The following PREPL variants were observed in gnomAD, a reference collection of about 807,000 sequenced individuals.
PREPL encodes prolyl endopeptidase like, also known as prolyl endopeptidase-like.
A neutral mutation model predicts 70.6 loss-of-function variants in PREPL; 77 were observed. The observed-to-expected ratio is 1.09, with a 90% CI of 0.91 to 1.32. The LOEUF (loss-of-function observed/expected upper bound fraction) is 1.32, where lower values mean the gene tolerates loss of function less well. PREPL is among the 40% of genes most tolerant of loss of function. PREPL has a pLI of 0.00. For synonymous variants in PREPL, 315 were observed against 264.8 expected (o/e 1.19, Z -1.84); for missense variants, 1,002 against 778.2 (o/e 1.29, Z -3.42).
chr2:44,338,690 T>C (rs765757162), intron 6 of PREPL, among the ~76,000 whole-genome samples, 154 bp from the exon 7 acceptor site: 9 of 152,156 alleles, frequency 5.9e-5, no homozygotes, highest in Non-Finnish European at 1.0e-4. Flanking sequence ...AGTGTGACCA[T>C]CAACCATATG....
intron 7 of PREPL, among the ~76,000 whole-genome samples, chr2:44,334,604 G>T (rs924820432): frequency 2.6e-5 from 4 of 152,184 alleles, no homozygotes; most frequent in Non-Finnish European, 5.9e-5. Context: ...GGAATGCAGT[G>T]GCGTGATCTC....
chr2:44,339,247 A>C lies in PREPL; in HGVS notation c.602T>G (p.Val201Gly). The C allele has an allele frequency of 6.2e-7, 1 of 1,614,126 alleles. No individual in the cohort carries two copies. The highest frequency in any genetic ancestry group is 8.5e-7 in the Non-Finnish European group (1 of 1,180,006). ...IDGLSPWDPP[V>G]LIQKRIHGVL... is the part of the protein sequence containing the mutation. ...CCCATGTATTCGCTTCTGGATAAGT[A>C]CTGGTGGGTCCCAAGGGCTCAGGCC... is the stretch of plus-strand genomic sequence containing the variant. The change falls in exon 6 of 14, where the codon GTA (valine) becomes GGA (glycine). Residue 201 changes from valine (V) to glycine (G), a missense_variant. Coordinates refer to ENST00000409411, the MANE Select transcript of PREPL (RefSeq NM_001171613.2).
intron 13 of PREPL, 52 bp from the exon 14 acceptor site, chr2:44,321,497 C>A: frequency 6.3e-7 from 1 of 1,586,280 alleles, no homozygotes; most frequent in Non-Finnish European, 8.6e-7. Flanking sequence ...TAGTAAAATG[C>A]CACTGTTTAA....
chr2:44,337,558 A>T (rs1336338042), intron 7 of PREPL, among the ~76,000 whole-genome samples: 1 of 152,166 alleles, frequency 6.6e-6, no homozygotes, highest in Non-Finnish European at 1.5e-5. Context: ...GGAGTTAGGG[A>T]GGTATAAATG....
rs988215338 is a variant in PREPL at position 44,320,302 on chromosome 2, G to A, written c.*1054C>T. The A allele has an allele frequency of 1.2e-6, 2 of 1,614,058 alleles. No homozygotes were observed. Among genetic ancestry groups the A allele is most frequent in the South Asian group, 2.2e-5 (2 of 91,084 alleles). On this transcript the variant is annotated 3_prime_UTR_variant, in exon 14 of 14. Coordinates refer to ENST00000409411, the MANE Select transcript of PREPL (RefSeq NM_001171613.2). ...AACAGGGGCTGGTTTTGCCATTTGAGGAATGACAGCCACTATGTTGTGTAC... is the reference window on the plus strand; with the variant it reads ...AACAGGGGCTGGTTTTGCCATTTGAAGAATGACAGCCACTATGTTGTGTAC...
In PREPL at chr2:44,329,041, C is replaced by A. The variant is rs1199145367; in HGVS notation, c.1158G>T (p.Leu386Phe). The A allele has an allele frequency of 1.2e-6, 2 of 1,612,918 alleles. No homozygotes were observed. Among genetic ancestry groups the A allele is most frequent in the African/African-American group, 2.7e-5 (2 of 74,890 alleles). Reference protein sequence around the residue: ...DSEDLQKKPLLVHVYGAYGMD... With the variant: ...DSEDLQKKPLFVHVYGAYGMD... ...TTCCATAAGCTCCATATACATGTAC[C>A]AAGAGAGGTTTCTTCTGCAAGTCCT... is the stretch of plus-strand genomic sequence containing the variant. Residue 386 changes from leucine (L) to phenylalanine (F), a missense_variant, in exon 9 of 14, where the codon TTG becomes TTT. Physicochemically the swap from Leu to Phe is conservative, Grantham distance 22. Coordinates refer to ENST00000409411, the MANE Select transcript of PREPL (RefSeq NM_001171613.2).
At chr2:44,327,601 C>G (rs1673643363) in intron 9 of PREPL, among the ~76,000 whole-genome samples, 1 of 152,156 alleles carries the variant, frequency 6.6e-6, no homozygotes, top group African/African-American at 2.4e-5. Flanking sequence ...TGCCTCAAGC[C>G]TGTCATCTCA....
intron 1 of PREPL, among the ~76,000 whole-genome samples, chr2:44,349,453 T>C (rs1023720994): frequency 4.0e-5 from 6 of 151,784 alleles, no homozygotes; most frequent in Non-Finnish European, 5.9e-5. Context: ...AATAATACAT[T>C]GAAAAAACAT....
At chr2:44,348,383 ACTG>A (rs1676050532) in intron 1 of PREPL, among the ~76,000 whole-genome samples, 1 of 152,218 alleles carries the variant, frequency 6.6e-6, no homozygotes, top group Non-Finnish European at 1.5e-5. Context: ...CTATTCTGAA[ACTG>A]TAAAATAGCA....
chr2:44,359,525 T>C, intron 1 of PREPL: 1 of 1,612,908 alleles, frequency 6.2e-7, no homozygotes, highest in East Asian at 2.2e-5. Context: ...ACTTGGGATG[T>C]TTCTTGCTAA....
chr2:44,359,231 C>A (rs1282242230), intron 1 of PREPL, among the ~76,000 whole-genome samples: 1 of 151,912 alleles, frequency 6.6e-6, no homozygotes, highest in Non-Finnish European at 1.5e-5. Context: ...TGACGCCTAG[C>A]TAACTTTTGT....
chr2:44,354,173 A>C (rs985555724), intron 1 of PREPL, among the ~76,000 whole-genome samples: 21 of 152,266 alleles, frequency 1.4e-4, no homozygotes, highest in South Asian at 8.3e-4. Context: ...ACAACAACAA[A>C]AAAAGTATCA....
chr2:44,320,545 T>G lies in PREPL; in HGVS notation c.*811A>C. 1 of 1,614,050 alleles carries G rather than the reference T, an allele frequency of 6.2e-7. No individual in the cohort carries two copies. Among genetic ancestry groups the G allele is most frequent in the Non-Finnish European group, 8.5e-7 (1 of 1,179,924 alleles). On this transcript the variant is annotated 3_prime_UTR_variant, in exon 14 of 14. Transcript: ENST00000409411. ...ATCTTTGAACACAACACGAAGAATC[T>G]CCTTCATCGCCAAACAGCTTTCAGA...
chr2:44,327,816 T>C (rs1027620341), intron 9 of PREPL, among the ~76,000 whole-genome samples: 6 of 151,588 alleles, frequency 4.0e-5, no homozygotes, highest in African/African-American at 1.2e-4. Context: ...TGAGCGGAGA[T>C]TGCGCCACTG....
rs1001363147 is a variant in PREPL at position 44,321,015 on chromosome 2, C to T, written c.*341G>A. ...CACAGTGTCTAAAAGCATTTGCTAGCAAAGAGGCAGGACACTAATTTGTAA... is the reference window on the plus strand; with the variant it reads ...CACAGTGTCTAAAAGCATTTGCTAGTAAAGAGGCAGGACACTAATTTGTAA... On this transcript the variant is annotated 3_prime_UTR_variant, in exon 14 of 14. Transcript: ENST00000409411. 1.8e-5 allele frequency: 7 copies of T among 381,734 alleles called. No homozygotes were observed. Among genetic ancestry groups the T allele is most frequent in the Non-Finnish European group, 2.4e-5 (5 of 207,970 alleles). The allele number at this position is 381,734 out of a possible 1,614,324, so 23.6% of individuals were successfully genotyped here.
Position 44,333,809 on chromosome 2 carries a change from T to C in PREPL, c.889-1153A>G, listed in dbSNP as rs189192706. 2.1e-3 allele frequency among the ~76,000 whole-genome samples: 315 copies of C among 152,150 alleles called. 1 individual carries two copies. Among genetic ancestry groups the C allele is most frequent in the Middle Eastern group, 0.014 (4 of 294 alleles). ...ATTGAGAAATCTGGTAGCATAGTTA[T>C]AAGCAAGCAAACTGAGACTTGAGAG... is the stretch of plus-strand genomic sequence containing the variant. On this transcript the variant is annotated intron_variant, in intron 7 of 13. Transcript: ENST00000409411.
intron 7 of PREPL, among the ~76,000 whole-genome samples, chr2:44,333,099 C>T (rs562301596): frequency 6.6e-6 from 1 of 152,330 alleles, no homozygotes; most frequent in Admixed American, 6.5e-5. Context: ...CCTTACCCTG[C>T]TGCCTGGACA....
At chr2:44,336,309 A>T (rs1381357869) in intron 7 of PREPL, among the ~76,000 whole-genome samples, 3 of 152,238 alleles carry the variant, frequency 2.0e-5, no homozygotes, top group South Asian at 2.1e-4. Flanking sequence ...TCAATGATAG[A>T]CTGGATACAG....
chr2:44,323,065 T>C (rs1673140419), intron 11 of PREPL, among the ~76,000 whole-genome samples, 197 bp downstream of exon 11: 1 of 152,150 alleles, frequency 6.6e-6, no homozygotes, highest in Non-Finnish European at 1.5e-5. Flanking sequence ...TTAGCTAATT[T>C]AGTAATTAAG....
Sources: allele counts gnomAD v4.1 joint callset (sites outside exome capture counted in the v4.1 genomes callset), GRCh38; gene constraint gnomAD v4.1.1; transcripts MANE v1.5; gene names NCBI Gene and HGNC (gene_info 2026-07-23, HGNC 2026-07-21).